Variants in BCLAF3 observed in about 807,000 individuals in gnomAD.
BCLAF3 encodes BCLAF1 and THRAP3 family member 3.
A neutral mutation model predicts 51.2 loss-of-function variants in BCLAF3; 24 were observed. The observed-to-expected ratio is 0.47, with a 90% confidence interval of 0.34 to 0.66. The LOEUF (loss-of-function observed/expected upper bound fraction) is 0.66, where lower values mean the gene tolerates loss of function less well. Ranked by LOEUF, BCLAF3 falls within the 30% of genes least tolerant of loss-of-function variation. The probability of loss-of-function intolerance (pLI) is 0.01; values close to 1 mark genes in which losing one functional copy is unlikely to be tolerated. For synonymous variants in BCLAF3, 152 were observed against 176.6 expected, an observed-to-expected ratio of 0.86 and a Z score of 1.10; for missense variants, 465 against 525.1, an observed-to-expected ratio of 0.89 and a Z score of 1.12.
intron 1 of BCLAF3, among the ~76,000 whole-genome samples, chrX:19,986,331 A>T: frequency 8.9e-6 from 1 of 112,348 alleles, no homozygotes. Context: ...TTATAAAGGA[A>T]ATATCACATG....
chrX:19,955,658 G>T, intron 4 of BCLAF3, 92 bp from the exon 5 acceptor site: 1 of 735,034 alleles, frequency 1.4e-6, no homozygotes, highest in Non-Finnish European at 1.9e-6. Context: ...AAACTAGAAA[G>T]ATGTATATCT....
chrX:19,984,307 C>G (rs1404311180), intron 1 of BCLAF3, among the ~76,000 whole-genome samples: 2 of 110,500 alleles, frequency 1.8e-5, no homozygotes, highest in African/African-American at 6.6e-5. Flanking sequence ...TGGAAACACA[C>G]TAATAATAGG....
At chrX:19,987,161 T>A (rs56190328) in intron 1 of BCLAF3, among the ~76,000 whole-genome samples, 1 of 111,178 alleles carries the variant, frequency 9.0e-6, no homozygotes, top group Non-Finnish European at 1.9e-5. Context: ...GGATCTAAAG[T>A]AGAATGATAG....
At chrX:19,964,992 A>G (rs1282468976) in intron 4 of BCLAF3, 52 bp downstream of exon 4, 5 of 1,007,073 alleles carry the variant, frequency 5.0e-6, no homozygotes, top group South Asian at 2.5e-5. Context: ...AGCTGCAAAT[A>G]AAGATTGTAG....
rs186100407 is a variant in BCLAF3, at chrX:19,983,646, C to T, written c.-35+7262G>A. Among the ~76,000 whole-genome samples, 16 of 109,767 alleles carry T rather than the reference C, an allele frequency of 1.5e-4. No individual in the cohort carries two copies. The South Asian group carries it at 2.7e-3, about 19-fold the overall frequency. On this transcript the variant is annotated intron_variant, in intron 1 of 11. Coordinates refer to ENST00000379682, the MANE Select transcript of BCLAF3 (RefSeq NM_001367774.2). ...AGGAGAATCACTTGAACCCGGGAGG[C>T]GGAGCTTACAGTAAGCCAAGATCAC...
chrX:19,972,081 C>T (rs2072277783), intron 1 of BCLAF3, among the ~76,000 whole-genome samples: 1 of 112,186 alleles, frequency 8.9e-6, no homozygotes, highest in Admixed American at 9.5e-5. Flanking sequence ...TATACACAGC[C>T]TCTTTCTAAA....
rs946572288 is a variant in BCLAF3, at chrX:19,914,765, A to G, written c.*2540T>C. On this transcript the variant is annotated 3_prime_UTR_variant, in exon 12 of 12. Coordinates refer to ENST00000379682, the MANE Select transcript of BCLAF3 (RefSeq NM_001367774.2). ...ATAATACAGAGAGATCCCGCGTACA[A>G]TTTACCCAGTTTCCCCCAATGCATC... 8.9e-6 allele frequency: 1 copy of G among 111,815 alleles called. No individual in the cohort carries two copies. Among genetic ancestry groups the G allele is most frequent in the Admixed American group, 9.6e-5 (1 of 10,402 alleles). The allele number at this position is 111,815 out of a possible 1,213,427, so 9.2% of individuals were successfully genotyped here.
In BCLAF3 at chrX:19,917,278, C is replaced by T. The variant is rs1287813412; in HGVS notation, c.*27G>A. ...GATGCTCCCAAACATCCTCCTGTAG[C>T]GTCATTTCCATTTGTACGATTTCAG... is the stretch of plus-strand genomic sequence containing the variant. On this transcript the variant is annotated 3_prime_UTR_variant, in exon 12 of 12. Coordinates refer to ENST00000379682, the MANE Select transcript of BCLAF3 (RefSeq NM_001367774.2). The T allele has an allele frequency of 5.9e-6, 7 of 1,188,066 alleles. No individual in the cohort carries two copies. Among genetic ancestry groups the T allele is most frequent in the Non-Finnish European group, 5.7e-6 (5 of 875,932 alleles).
Position 19,965,325 on chromosome X carries a change from T to C in BCLAF3, c.993A>G (p.Arg331=), listed in dbSNP as rs1340311639. The C allele has an allele frequency of 1.2e-5, 14 of 1,211,804 alleles. No individual in the cohort carries two copies. The highest frequency in any genetic ancestry group is 1.7e-5 in the African/African-American group (1 of 57,869). Residue 331 remains arginine (R), a synonymous_variant, in exon 4 of 12, where the codon AGA becomes AGG. Coordinates refer to ENST00000379682, the MANE Select transcript of BCLAF3 (RefSeq NM_001367774.2). ...CTTTGACTTGTCCATCTTGAGTCTC[T>C]CTCCCTCTTCCAGTATTAAAACAAT... ...ELDCFNTGRG[R]ETQDGQVKEP... is the part of the protein sequence containing the mutation.
chrX:19,954,700 T>G (rs887080450), intron 5 of BCLAF3, among the ~76,000 whole-genome samples: 4 of 112,064 alleles, frequency 3.6e-5, no homozygotes, highest in African/African-American at 1.3e-4. Context: ...GTAAGAAAGA[T>G]TAATGCAATT....
intron 11 of BCLAF3, among the ~76,000 whole-genome samples, chrX:19,927,474 A>T (rs2070397526): frequency 8.9e-6 from 1 of 112,245 alleles, no homozygotes; most frequent in South Asian, 3.7e-4. Context: ...CATAAGTGTA[A>T]GTATTTAAGA....
intron 7 of BCLAF3, among the ~76,000 whole-genome samples, chrX:19,952,172 A>G (rs2071508276): frequency 1.8e-5 from 2 of 112,037 alleles, no homozygotes; most frequent in Admixed American, 1.9e-4. Flanking sequence ...TAAGTTGAGT[A>G]TAGGACTTTG....
chrX:19,971,126 T>C (rs747941254), intron 1 of BCLAF3, among the ~76,000 whole-genome samples: 2 of 112,482 alleles, frequency 1.8e-5, no homozygotes, highest in South Asian at 7.4e-4. Context: ...GTTTTGCTCT[T>C]TCTCCCAGGC....
intron 1 of BCLAF3, among the ~76,000 whole-genome samples, chrX:19,987,065 C>G (rs1370571982): frequency 9.1e-6 from 1 of 110,480 alleles, no homozygotes; most frequent in Non-Finnish European, 1.9e-5. Flanking sequence ...TTCAGCCTCC[C>G]AAAGTGCTGG....
intron 1 of BCLAF3, among the ~76,000 whole-genome samples, chrX:19,977,132 C>A (rs1311005601): frequency 1.8e-5 from 2 of 111,218 alleles, no homozygotes; most frequent in African/African-American, 6.5e-5. Flanking sequence ...TTCTTCAGGC[C>A]TCCCTACTCC....
intron 11 of BCLAF3, among the ~76,000 whole-genome samples, chrX:19,917,659 C>T (rs1343050045): frequency 8.9e-6 from 1 of 111,840 alleles, no homozygotes; most frequent in Non-Finnish European, 1.9e-5. Flanking sequence ...ACTCTTAAAC[C>T]TTTGGCTCTC....
intron 2 of BCLAF3, among the ~76,000 whole-genome samples, chrX:19,969,117 C>T (rs1302479839): frequency 1.8e-5 from 2 of 111,325 alleles, no homozygotes; most frequent in African/African-American, 6.5e-5. Flanking sequence ...CATCTCAAAA[C>T]AAAATAAAAA....
chrX:19,979,756 GAA>G (rs200278761), intron 1 of BCLAF3, among the ~76,000 whole-genome samples: 1 of 106,862 alleles, frequency 9.4e-6, no homozygotes, highest in African/African-American at 3.4e-5. Flanking sequence ...CTGAACTCAA[GAA>G]AAAAAAATGA....
Position 19,965,237 on chromosome X carries a change from C to A in BCLAF3, c.1081G>T (p.Asp361Tyr), listed in dbSNP as rs750858504. 3 of 1,207,509 alleles carry A rather than the reference C, an allele frequency of 2.5e-6. No homozygotes were observed. In the Admixed American group the frequency reaches 6.6e-5, roughly 27 times the overall value. ...CATTTGTCATTACTAGATCGCAAATCAACATCATTTTTATTTGAATAAGTA... is the reference window on the plus strand; with the variant it reads ...CATTTGTCATTACTAGATCGCAAATAAACATCATTTTTATTTGAATAAGTA... ...ACTYSNKNDV[D>Y]LRSSNDKWKE... The change falls in exon 4 of 12, where the codon GAT (aspartate) becomes TAT (tyrosine). Residue 361 changes from aspartate (D) to tyrosine (Y), a missense_variant. Physicochemically the swap from Asp to Tyr is radical, Grantham distance 160. Transcript: ENST00000379682.
Sources: gnomAD v4.1 joint callset for allele counts (sites outside exome capture counted in the v4.1 genomes callset) on GRCh38, gnomAD v4.1.1 for gene constraint, MANE v1.5 for transcripts, NCBI Gene and HGNC (gene_info 2026-07-23, HGNC 2026-07-21) for gene names.